Variants in CNTN5 observed in about 807,000 individuals in gnomAD.
The protein encoded by CNTN5 is contactin-5.
CNTN5 carries 77 observed loss-of-function variants against 129.1 expected under a neutral mutation model. The observed-to-expected ratio is 0.60, with a 90% CI of 0.50 to 0.72. The LOEUF (loss-of-function observed/expected upper bound fraction) is 0.72. Ranked by LOEUF, CNTN5 falls within the 30% of genes least tolerant of loss-of-function variation. The probability of loss-of-function intolerance (pLI) is 0.00; values close to 1 mark genes in which losing one functional copy is unlikely to be tolerated. For synonymous variants in CNTN5, 509 were observed against 465.6 expected (o/e 1.09, Z -1.20); for missense variants, 1,478 against 1,328.8 (o/e 1.11, Z -1.75).
At chr11:99,681,490 T>C (rs552459983) in intron 3 of CNTN5, among the ~76,000 whole-genome samples, 9 of 152,228 alleles carry the variant, frequency 5.9e-5, no homozygotes, top group African/African-American at 2.2e-4. Context: ...CAGCAAAAGA[T>C]GACCATTTGT....
Position 99,694,904 on chromosome 11 carries a change from T to C in CNTN5, c.56-124640T>C, listed in dbSNP as rs565932421. The stretch of plus-strand genomic sequence containing the variant: ...TGGTAGATATCAAAATTCCCCATTT[T>C]ACTGATAAATATAGAGATTAAGGAA... On this transcript the variant is annotated intron_variant, in intron 3 of 24. Transcript: ENST00000524871. 5.3e-5 allele frequency among the ~76,000 whole-genome samples: 8 copies of C among 152,274 alleles called. No individual in the cohort carries two copies. The South Asian group carries it at 1.7e-3, about 32-fold the overall frequency.
intron 15 of CNTN5, among the ~76,000 whole-genome samples, chr11:100,218,796 A>G (rs180841177): frequency 6.6e-6 from 1 of 152,296 alleles, no homozygotes; most frequent in East Asian, 1.9e-4. Context: ...GTGAGAGACA[A>G]GATAGGTTGA....
At chr11:100,030,943 G>A (rs576171531) in intron 9 of CNTN5, among the ~76,000 whole-genome samples, 5 of 152,184 alleles carry the variant, frequency 3.3e-5, no homozygotes, top group African/African-American at 1.2e-4. Context: ...GTGAATTAAG[G>A]TCTAAATAGA....
At chr11:99,727,320 A>AAAAAAAAAAAAG (rs1555089252) in intron 3 of CNTN5, among the ~76,000 whole-genome samples, 2 of 134,624 alleles carry the variant, frequency 1.5e-5, no homozygotes, top group African/African-American at 5.5e-5. Flanking sequence ...CTCAAAAAAA[A>AAAAAAAAAAAAG]AAAAAAAAAA....
chr11:99,230,970 C>A (rs993726816), intron 1 of CNTN5, among the ~76,000 whole-genome samples: 1 of 152,122 alleles, frequency 6.6e-6, no homozygotes, highest in African/African-American at 2.4e-5. Flanking sequence ...CATGTCACTA[C>A]AACAGATAGG....
At chr11:99,877,423 G>T (rs959017749) in intron 6 of CNTN5, among the ~76,000 whole-genome samples, 25 of 152,102 alleles carry the variant, frequency 1.6e-4, no homozygotes, top group African/African-American at 6.0e-4. Context: ...AACTGGTTCT[G>T]CTCATTTACT....
At chr11:99,301,975 A>C (rs996168553) in intron 1 of CNTN5, among the ~76,000 whole-genome samples, 3 of 151,682 alleles carry the variant, frequency 2.0e-5, no homozygotes, top group Non-Finnish European at 4.4e-5. Flanking sequence ...TACTAAAAAA[A>C]CCCGTGGGCC....
chr11:100,329,086 C>A (rs572891548), intron 21 of CNTN5, among the ~76,000 whole-genome samples: 1 of 152,180 alleles, frequency 6.6e-6, no homozygotes, highest in Non-Finnish European at 1.5e-5. Flanking sequence ...TGGAGGGGGG[C>A]GTGGTGGGAG....
At chr11:99,268,423 A>G (rs1360785827) in intron 1 of CNTN5, among the ~76,000 whole-genome samples, 1 of 151,698 alleles carries the variant, frequency 6.6e-6, no homozygotes. Flanking sequence ...TAAAGTAATA[A>G]TTATAATATT....
At chr11:99,596,369 A>G (rs1366799703) in intron 3 of CNTN5, among the ~76,000 whole-genome samples, 2 of 152,176 alleles carry the variant, frequency 1.3e-5, no homozygotes, top group East Asian at 3.8e-4. Flanking sequence ...AAGACAATAT[A>G]GATTTTTATT....
intron 6 of CNTN5, among the ~76,000 whole-genome samples, chr11:99,885,273 T>A (rs768258491): frequency 1.3e-5 from 2 of 151,316 alleles, no homozygotes; most frequent in Admixed American, 6.6e-5. Context: ...GAGGGCAAGA[T>A]CCTGTCTCAA....
At chr11:100,267,379 T>C (rs1218787424) in intron 17 of CNTN5, among the ~76,000 whole-genome samples, 1 of 151,990 alleles carries the variant, frequency 6.6e-6, no homozygotes, top group East Asian at 1.9e-4. Context: ...TTAACTTTAA[T>C]TACTTCCTTA....
At chr11:99,084,823 A>G (rs1483742352) in intron 1 of CNTN5, among the ~76,000 whole-genome samples, 5 of 152,090 alleles carry the variant, frequency 3.3e-5, no homozygotes, top group Non-Finnish European at 7.4e-5. Context: ...TTTATTTCTC[A>G]CTGATTTGCC....
intron 3 of CNTN5, among the ~76,000 whole-genome samples, chr11:99,684,862 A>G (rs1953719436): frequency 6.6e-6 from 1 of 151,314 alleles, no homozygotes; most frequent in Non-Finnish European, 1.5e-5. Flanking sequence ...TCCATTGGTG[A>G]TTCTTCAAAA....
At chr11:99,347,904 C>T (rs1055688321) in intron 2 of CNTN5, among the ~76,000 whole-genome samples, 9 of 152,060 alleles carry the variant, frequency 5.9e-5, no homozygotes, top group Admixed American at 4.6e-4. Flanking sequence ...TTTAAAAATA[C>T]GATCAAGGTG....
At chr11:99,502,783 A>G (rs986191244) in intron 2 of CNTN5, among the ~76,000 whole-genome samples, 6 of 152,138 alleles carry the variant, frequency 3.9e-5, no homozygotes, top group Non-Finnish European at 8.8e-5. Context: ...GAGGTAAACT[A>G]AAGACCTATA....
At chr11:99,856,457 T>C (rs1196473312) in intron 6 of CNTN5, among the ~76,000 whole-genome samples, 1 of 152,158 alleles carries the variant, frequency 6.6e-6, no homozygotes, top group African/African-American at 2.4e-5. Context: ...TTTAAAATGG[T>C]ACCCCTGGAA....
rs780740486 is a variant in CNTN5, at chr11:99,845,239, G to A, written c.554G>A (p.Arg185Lys). The change falls in exon 6 of 25, where the codon AGA becomes AAA. Residue 185 changes from arginine (R) to lysine (K), a missense_variant. Arg to Lys is a conservative substitution (Grantham distance 26). Transcript: ENST00000524871. ...ATNTVGSILS[R>K]EATLQFAYLG... ...AACACTGTGGGGAGTATTCTTAGTA[G>A]AGAAGCTACACTGCAGTTTGCCTGT... 1.9e-6 allele frequency: 3 copies of A among 1,612,658 alleles called. No individual in the cohort carries two copies. Among genetic ancestry groups the A allele is most frequent in the South Asian group, 1.1e-5 (1 of 90,850 alleles).
intron 1 of CNTN5, among the ~76,000 whole-genome samples, chr11:99,121,527 G>T (rs1046890264): frequency 2.0e-5 from 3 of 152,122 alleles, no homozygotes; most frequent in Non-Finnish European, 4.4e-5. Flanking sequence ...AGGATTATTG[G>T]GTTGTCTGAA....
Sources: gnomAD v4.1 joint callset for allele counts (sites outside exome capture counted in the v4.1 genomes callset) on GRCh38, gnomAD v4.1.1 for gene constraint, MANE v1.5 for transcripts, NCBI Gene and HGNC (gene_info 2026-07-23, HGNC 2026-07-21) for gene names.